VWC2L: variants seen among roughly 807,000 people sequenced by gnomAD.
VWC2L encodes the protein von Willebrand factor C domain containing 2 like.
VWC2L carries 10 observed loss-of-function variants against 21.6 expected under a neutral mutation model. The ratio of observed to expected loss-of-function variants is 0.46; its 90% CI spans 0.29 to 0.78. The LOEUF is 0.78. Among genes scored for constraint, VWC2L ranks in the 30% least tolerant of loss-of-function variants. The pLI is 0.10. For synonymous variants in VWC2L, 96 were observed against 94.3 expected, an observed-to-expected ratio of 1.02 and a Z score of -0.10; for missense variants, 209 against 277.1, an observed-to-expected ratio of 0.75 and a Z score of 1.74.
intron 3 of VWC2L, among the ~76,000 whole-genome samples, chr2:214,440,203 T>G (rs1702743847): frequency 6.6e-6 from 1 of 152,008 alleles, no homozygotes. Context: ...AAGATATGAA[T>G]GACTGGACAG....
intron 3 of VWC2L, among the ~76,000 whole-genome samples, chr2:214,526,090 T>C (rs1488512810): frequency 6.7e-6 from 1 of 150,120 alleles, no homozygotes; most frequent in Non-Finnish European, 1.5e-5. Context: ...TATTAATATA[T>C]TTTTATATAT....
chr2:214,417,170 G>A (rs1702369604), intron 2 of VWC2L, among the ~76,000 whole-genome samples: 1 of 152,090 alleles, frequency 6.6e-6, no homozygotes, highest in South Asian at 2.1e-4. Context: ...ATGTTGATAT[G>A]TCAATTAGGG....
chr2:214,570,178 G>C (rs1690129434), intron 3 of VWC2L, among the ~76,000 whole-genome samples: 1 of 152,106 alleles, frequency 6.6e-6, no homozygotes, highest in Non-Finnish European at 1.5e-5. Flanking sequence ...ATAAAAAGGG[G>C]CTGAAAGGAT....
chr2:214,497,376 A>G (rs1439778996), intron 3 of VWC2L, among the ~76,000 whole-genome samples: 6 of 152,236 alleles, frequency 3.9e-5, no homozygotes, highest in East Asian at 1.9e-4. Context: ...GTAAATGTTT[A>G]TATTCAAACT....
intron 3 of VWC2L, among the ~76,000 whole-genome samples, chr2:214,450,311 G>GC (rs543803457): frequency 6.6e-6 from 1 of 152,096 alleles, no homozygotes; most frequent in Non-Finnish European, 1.5e-5. Flanking sequence ...GAAGTAATCA[G>GC]CCCCCTAGGC....
chr2:214,490,557 C>G (rs1378288638), intron 3 of VWC2L, among the ~76,000 whole-genome samples: 3 of 151,962 alleles, frequency 2.0e-5, no homozygotes, highest in African/African-American at 4.8e-5. Flanking sequence ...GATCAGGCAA[C>G]CAAATAAGCA....
At chr2:214,513,932 T>C (rs1376212891) in intron 3 of VWC2L, among the ~76,000 whole-genome samples, 3 of 152,102 alleles carry the variant, frequency 2.0e-5, no homozygotes, top group Non-Finnish European at 4.4e-5. Flanking sequence ...GCATCCTCAG[T>C]TCAGTCAACA....
At chr2:214,437,027 T>C (rs1033392184) in intron 3 of VWC2L, among the ~76,000 whole-genome samples, 3 of 152,126 alleles carry the variant, frequency 2.0e-5, no homozygotes, top group African/African-American at 7.2e-5. Context: ...AAGGAGTATA[T>C]TGGAAAGAAC....
At chr2:214,508,421 C>T (rs554193785) in intron 3 of VWC2L, among the ~76,000 whole-genome samples, 3 of 152,294 alleles carry the variant, frequency 2.0e-5, no homozygotes, top group Non-Finnish European at 4.4e-5. Context: ...TCCCAAACTG[C>T]CATTTCTACT....
chr2:214,493,499 T>C (rs1195402372), intron 3 of VWC2L, among the ~76,000 whole-genome samples: 2 of 152,222 alleles, frequency 1.3e-5, no homozygotes, highest in East Asian at 3.9e-4. Flanking sequence ...GCTGCTTTTC[T>C]CTCTATTCCT....
At chr2:214,443,436 A>G (rs1256948349) in intron 3 of VWC2L, among the ~76,000 whole-genome samples, 1 of 152,174 alleles carries the variant, frequency 6.6e-6, no homozygotes, top group Non-Finnish European at 1.5e-5. Flanking sequence ...AAGGCATTGT[A>G]TATTTTGTTA....
intron 3 of VWC2L, among the ~76,000 whole-genome samples, chr2:214,518,732 C>T (rs142627949): frequency 6.6e-4 from 101 of 152,226 alleles, no homozygotes; most frequent in African/African-American, 2.4e-3. Context: ...TATCTTAAAG[C>T]CTTACCTGAA....
intron 3 of VWC2L, among the ~76,000 whole-genome samples, chr2:214,455,917 C>T (rs1436106601): frequency 1.3e-5 from 2 of 152,038 alleles, no homozygotes; most frequent in Non-Finnish European, 2.9e-5. Context: ...TGTACAGATA[C>T]CACATTTTCT....
intron 3 of VWC2L, among the ~76,000 whole-genome samples, chr2:214,513,077 G>T (rs1689081954): frequency 6.6e-6 from 1 of 152,068 alleles, no homozygotes; most frequent in Non-Finnish European, 1.5e-5. Flanking sequence ...TGGTCATCAG[G>T]CTCAGTTAAG....
At chr2:214,501,633 A>T (rs1688891766) in intron 3 of VWC2L, among the ~76,000 whole-genome samples, 3 of 151,438 alleles carry the variant, frequency 2.0e-5, no homozygotes, top group Admixed American at 2.0e-4. Context: ...GAGGCAGGAG[A>T]ATCACTTGAA....
chr2:214,507,773 T>C (rs777593499), intron 3 of VWC2L, among the ~76,000 whole-genome samples: 1 of 152,238 alleles, frequency 6.6e-6, no homozygotes, highest in Non-Finnish European at 1.5e-5. Context: ...GAGACAGTCA[T>C]GAGCCTCAAG....
intron 3 of VWC2L, among the ~76,000 whole-genome samples, chr2:214,486,856 A>T (rs1688679279): frequency 6.6e-6 from 1 of 152,242 alleles, no homozygotes; most frequent in Non-Finnish European, 1.5e-5. Flanking sequence ...AGGAAACCAC[A>T]AACCAGACAT....
intron 2 of VWC2L, among the ~76,000 whole-genome samples, chr2:214,434,212 A>G (rs146472355): frequency 5.3e-5 from 8 of 152,290 alleles, no homozygotes; most frequent in African/African-American, 1.9e-4. Flanking sequence ...GATCTTCCTC[A>G]GAATATTTCT....
At chr2:214,527,021 G>C (rs962126431) in intron 3 of VWC2L, among the ~76,000 whole-genome samples, 8 of 152,112 alleles carry the variant, frequency 5.3e-5, no homozygotes, top group Admixed American at 5.2e-4. Context: ...AGGTGGTTCC[G>C]TGGTAGAAAA....
Sources: gnomAD v4.1 joint callset for allele counts (sites outside exome capture counted in the v4.1 genomes callset) on GRCh38, gnomAD v4.1.1 for gene constraint, MANE v1.5 for transcripts, NCBI Gene and HGNC (gene_info 2026-07-23, HGNC 2026-07-21) for gene names.